SRGAP3: variants seen among roughly 807,000 people sequenced by gnomAD.
SRGAP3 encodes SLIT-ROBO Rho GTPase activating protein 3, also known as SLIT-ROBO Rho GTPase-activating protein 3.
In SRGAP3, 39 loss-of-function variants were observed where a neutral mutation model predicts 121.1. The ratio of observed to expected loss-of-function variants is 0.32; its 90% CI spans 0.25 to 0.42. The LOEUF (loss-of-function observed/expected upper bound fraction) is 0.42. SRGAP3 is among the 10% of genes least tolerant of loss of function. The pLI is 1.00. For missense variants in SRGAP3, 1,213 were observed against 1,470.6 expected, an observed-to-expected ratio of 0.82 and a Z score of 2.86; for synonymous variants, 601 against 570.0, an observed-to-expected ratio of 1.05 and a Z score of -0.77.
chr3:9,078,729 C>CA (rs1210960790), intron 4 of SRGAP3, among the ~76,000 whole-genome samples: 8 of 152,298 alleles, frequency 5.3e-5, no homozygotes, highest in African/African-American at 1.9e-4. Flanking sequence ...TTCTGCCCCC[C>CA]AGTGACCAGC....
chr3:9,264,670 T>C (rs1402276977), intron 3 of SRGAP3, among the ~76,000 whole-genome samples: 1 of 152,080 alleles, frequency 6.6e-6, no homozygotes, highest in African/African-American at 2.4e-5. Flanking sequence ...ACGAGGGGTG[T>C]GAAAGACCTC....
Position 9,119,657 on chromosome 3 carries a change from T to C in SRGAP3, c.260+5068A>G, listed in dbSNP as rs960405248. Reference sequence around the variant, plus strand: ...ACAGCTTTGGCAAATAGCATCTGGGTGGGGAGTGATGCTATTCCAGCTCCA... The same window carrying C: ...ACAGCTTTGGCAAATAGCATCTGGGCGGGGAGTGATGCTATTCCAGCTCCA... On this transcript the variant is annotated intron_variant, in intron 2 of 21. Transcript: ENST00000383836. 7.0e-4 allele frequency among the ~76,000 whole-genome samples: 106 copies of C among 152,242 alleles called. 1 individual carries two copies. The highest frequency in any genetic ancestry group is 9.4e-4 in the Non-Finnish European group (64 of 68,012).
At chr3:9,201,317 T>C (rs966521150) in intron 1 of SRGAP3, among the ~76,000 whole-genome samples, 2 of 152,288 alleles carry the variant, frequency 1.3e-5, no homozygotes, top group South Asian at 2.1e-4. Flanking sequence ...CACTGGCCAC[T>C]GACCCAGTGT....
At chr3:9,244,251 TG>T (rs1478876367) in intron 1 of SRGAP3, among the ~76,000 whole-genome samples, 1 of 152,220 alleles carries the variant, frequency 6.6e-6, no homozygotes, top group African/African-American at 2.4e-5. Context: ...AAGCAAAGAA[TG>T]TATCATATAC....
intron 1 of SRGAP3, among the ~76,000 whole-genome samples, chr3:9,207,176 T>C (rs1374321433): frequency 6.6e-6 from 1 of 152,174 alleles, no homozygotes; most frequent in Non-Finnish European, 1.5e-5. Flanking sequence ...AGTACCGTTG[T>C]CCCTATTTTG....
chr3:9,211,281 C>G (rs1442960467), intron 1 of SRGAP3, among the ~76,000 whole-genome samples: 1 of 152,216 alleles, frequency 6.6e-6, no homozygotes, highest in African/African-American at 2.4e-5. Context: ...GATACCACAT[C>G]TGGTCACAAG....
chr3:9,102,195 A>G lies in SRGAP3; in HGVS notation c.423+2485T>C, dbSNP rs939616347. On this transcript the variant is annotated intron_variant, in intron 3 of 21. Coordinates refer to ENST00000383836, the MANE Select transcript of SRGAP3 (RefSeq NM_014850.4). ...ACTGGCAAGCTACCATTTAATAAGC[A>G]CCTACTGGATACCAGGCCTGGGCTG... 2.6e-5 allele frequency among the ~76,000 whole-genome samples: 4 copies of G among 152,262 alleles called. No individual in the cohort carries two copies. In the East Asian group the frequency reaches 7.7e-4, roughly 29 times the overall value.
intron 7 of SRGAP3, among the ~76,000 whole-genome samples, chr3:9,056,546 T>C (rs1945832305): frequency 6.6e-6 from 1 of 152,228 alleles, no homozygotes; most frequent in African/African-American, 2.4e-5. Context: ...AAGTCCGCAC[T>C]CTTGCCACTG....
intron 3 of SRGAP3, among the ~76,000 whole-genome samples, chr3:9,101,924 A>G (rs1359795122): frequency 6.6e-6 from 1 of 152,122 alleles, no homozygotes; most frequent in African/African-American, 2.4e-5. Flanking sequence ...ATAAGAACAG[A>G]CTCCACTGCA....
At chr3:9,213,798 G>A (rs997513118) in intron 1 of SRGAP3, among the ~76,000 whole-genome samples, 2 of 152,112 alleles carry the variant, frequency 1.3e-5, no homozygotes, top group African/African-American at 2.4e-5. Flanking sequence ...GTTCATTCCC[G>A]ATGCACATAC....
chr3:9,248,914 A>T lies in SRGAP3; in HGVS notation c.38T>A (p.Ile13Asn), dbSNP rs1307298184. The T allele has an allele frequency of 1.2e-6, 2 of 1,614,144 alleles. No homozygotes were observed. Among genetic ancestry groups the T allele is most frequent in the Non-Finnish European group, 1.7e-6 (2 of 1,180,028 alleles). Residue 13 changes from isoleucine to asparagine, a missense_variant, in exon 1 of 22, where the codon ATC becomes AAC. Coordinates refer to ENST00000383836, the MANE Select transcript of SRGAP3 (RefSeq NM_014850.4). Reference protein sequence around the residue: ...SQTKFKKDKEIIAEYEAQIKE... With the variant: ...SQTKFKKDKENIAEYEAQIKE... Reference sequence around the variant, plus strand: ...TATTTGGGCTTCATATTCAGCAATGATCTCTTTGTCTTTCTTGAACTTAGT... The same window carrying T: ...TATTTGGGCTTCATATTCAGCAATGTTCTCTTTGTCTTTCTTGAACTTAGT...
chr3:9,287,757 A>C (rs933050106), intron 3 of SRGAP3, among the ~76,000 whole-genome samples: 5 of 152,196 alleles, frequency 3.3e-5, no homozygotes, highest in Non-Finnish European at 7.3e-5. Context: ...AAATACATGA[A>C]AATTTTAATT....
At chr3:9,200,745 A>G (rs1304493157) in intron 1 of SRGAP3, among the ~76,000 whole-genome samples, 4 of 152,198 alleles carry the variant, frequency 2.6e-5, no homozygotes, top group African/African-American at 9.7e-5. Context: ...GACCACGTAC[A>G]TCAATATTAC....
chr3:9,041,106 T>A (rs1377653335), intron 10 of SRGAP3, among the ~76,000 whole-genome samples: 1 of 152,244 alleles, frequency 6.6e-6, no homozygotes, highest in East Asian at 1.9e-4. Flanking sequence ...GATAGTGTAA[T>A]AAGTGCTGCA....
chr3:9,090,735 C>T (rs543262941), intron 3 of SRGAP3, among the ~76,000 whole-genome samples: 12 of 152,294 alleles, frequency 7.9e-5, no homozygotes, highest in African/African-American at 2.9e-4. Context: ...CTCTTGGGTT[C>T]AAGGGATTCT....
chr3:9,314,037 A>G (rs757443235), intron 3 of SRGAP3, among the ~76,000 whole-genome samples: 1 of 152,248 alleles, frequency 6.6e-6, no homozygotes. Context: ...TTTTTTGTAT[A>G]TCTCTGCCTA....
At chr3:9,215,648 C>T (rs1248612126) in intron 1 of SRGAP3, among the ~76,000 whole-genome samples, 2 of 152,224 alleles carry the variant, frequency 1.3e-5, no homozygotes, top group African/African-American at 4.8e-5. Context: ...TGGCACCAGC[C>T]AATCAGCTGA....
intron 6 of SRGAP3, chr3:9,059,525 T>C (rs1946020432): frequency 6.5e-6 from 1 of 153,734 alleles, no homozygotes; most frequent in African/African-American, 2.4e-5. Flanking sequence ...TTACTAAACA[T>C]GGACAGGGCC....
intron 1 of SRGAP3, among the ~76,000 whole-genome samples, chr3:9,207,137 G>A (rs1952292647): frequency 1.3e-5 from 2 of 152,154 alleles, no homozygotes; most frequent in South Asian, 4.1e-4. Flanking sequence ...GATGAGTTGG[G>A]CACTCCATCC....
Sources: gnomAD v4.1 joint callset for allele counts (sites outside exome capture counted in the v4.1 genomes callset) on GRCh38, gnomAD v4.1.1 for gene constraint, MANE v1.5 for transcripts, NCBI Gene and HGNC (gene_info 2026-07-23, HGNC 2026-07-21) for gene names.